The following CDC123 variants were observed in gnomAD, a reference collection of about 807,000 sequenced individuals.
CDC123 encodes cell division cycle 123, also known as translation initiation factor eIF2 assembly protein.
CDC123 carries 37 observed loss-of-function variants against 54.4 expected under a neutral mutation model. The ratio of observed to expected loss-of-function variants is 0.68; its 90% CI spans 0.52 to 0.89. The LOEUF (loss-of-function observed/expected upper bound fraction) is 0.89. Ranked by LOEUF, CDC123 falls within the 40% of genes least tolerant of loss-of-function variation. The pLI is 0.00. For synonymous variants in CDC123, 144 were observed against 136.8 expected (o/e 1.05, Z -0.37); for missense variants, 361 against 412.1 (o/e 0.88, Z 1.07).
At position 12,235,101 on chromosome 10, in the gene CDC123, T is replaced by C. The variant is rs768500894; in HGVS notation, c.543T>C (p.Phe181=). 1 of 1,613,942 alleles carries C rather than the reference T, an allele frequency of 6.2e-7. No homozygotes were observed. Among genetic ancestry groups the C allele is most frequent in the Non-Finnish European group, 8.5e-7 (1 of 1,179,828 alleles). The change falls in exon 8 of 13, where the codon TTT becomes TTC. Residue 181 remains phenylalanine, a synonymous_variant. Transcript: ENST00000281141. ...ELIPGAEFRC[F]VKENKLIGIS... is the part of the protein sequence containing the mutation. ...TTCCTGGGGCTGAGTTTCGATGTTT[T>C]GTCAAGGAAAACAAGCTTATTGGTG...
intron 6 of CDC123, among the ~76,000 whole-genome samples, chr10:12,222,953 G>A (rs892638165): frequency 1.1e-4 from 17 of 151,408 alleles, no homozygotes; most frequent in East Asian, 7.8e-4. Context: ...GTGCAGTGGC[G>A]TGATCGTGGC....
chr10:12,226,505 C>T (rs538177845), intron 6 of CDC123, among the ~76,000 whole-genome samples: 147 of 148,760 alleles, frequency 9.9e-4, no homozygotes, highest in African/African-American at 3.4e-3. Flanking sequence ...TCAGACGGGG[C>T]GGCCGGGCAG....
intron 2 of CDC123, among the ~76,000 whole-genome samples, chr10:12,204,476 A>T (rs7897626): frequency 0.54 from 82,551 of 151,948 alleles, 23,415 homozygotes; most frequent in Middle Eastern, 0.65. Context: ...TGATTTTTTT[A>T]AATTTTTTAA....
rs192640444 is a variant in CDC123, at chr10:12,232,056, A to G, written c.489+1060A>G. On this transcript the variant is annotated intron_variant, in intron 7 of 12. Transcript: ENST00000281141. ...GAGACTGGGTTTCACCATGTTGGCC[A>G]GGCTGGTCTCGAACTCCTGACCTCA... 3.4e-3 allele frequency among the ~76,000 whole-genome samples: 524 copies of G among 152,160 alleles called. 2 individuals carry two copies. The highest frequency in any genetic ancestry group is 0.012 in the African/African-American group (488 of 41,518).
At chr10:12,207,662 C>G (rs768746149) in intron 2 of CDC123, among the ~76,000 whole-genome samples, 2 of 152,098 alleles carry the variant, frequency 1.3e-5, no homozygotes, top group African/African-American at 2.4e-5. Flanking sequence ...TGGGGTTGCT[C>G]AGTTTCTGCC....
chr10:12,239,597 C>T (rs1055254342), intron 10 of CDC123, among the ~76,000 whole-genome samples: 3 of 151,644 alleles, frequency 2.0e-5, no homozygotes, highest in Non-Finnish European at 2.9e-5. Context: ...CACCTAGCTA[C>T]GTGGGAAGCT....
At chr10:12,250,071 G>T in intron 12 of CDC123, 1 of 479,510 alleles carries the variant, frequency 2.1e-6, no homozygotes, top group African/African-American at 2.0e-5. Context: ...TTATATTTTT[G>T]TGTGGATTTC....
At chr10:12,207,092 G>A (rs1189873348) in intron 2 of CDC123, among the ~76,000 whole-genome samples, 1 of 151,826 alleles carries the variant, frequency 6.6e-6, no homozygotes, top group Non-Finnish European at 1.5e-5. Context: ...TCCTGTTTCA[G>A]GATATTAAAA....
chr10:12,218,151 A>G (rs1421847269), intron 6 of CDC123, among the ~76,000 whole-genome samples: 1 of 152,054 alleles, frequency 6.6e-6, no homozygotes, highest in Non-Finnish European at 1.5e-5. Flanking sequence ...TATTTCTAGA[A>G]TTCTATCTAT....
At chr10:12,232,044 A>C (rs1439156140) in intron 7 of CDC123, among the ~76,000 whole-genome samples, 1 of 151,852 alleles carries the variant, frequency 6.6e-6, no homozygotes, top group Non-Finnish European at 1.5e-5. Flanking sequence ...ACTGGGTTTC[A>C]CCATGTTGGC....
intron 11 of CDC123, 140 bp from the exon 12 acceptor site, chr10:12,249,441 C>T: frequency 3.4e-6 from 3 of 881,570 alleles, no homozygotes; most frequent in East Asian, 5.4e-5. Context: ...CTCATTTTAA[C>T]TTAAGCATCT....
intron 4 of CDC123, among the ~76,000 whole-genome samples, chr10:12,212,460 T>C (rs1835615129): frequency 6.6e-6 from 1 of 152,192 alleles, no homozygotes; most frequent in South Asian, 2.1e-4. Context: ...CAAATAGAGT[T>C]TGAGTATTCT....
At chr10:12,212,795 A>AT in intron 4 of CDC123, among the ~76,000 whole-genome samples, 1 of 152,362 alleles carries the variant, frequency 6.6e-6, no homozygotes, top group African/African-American at 2.4e-5. Flanking sequence ...CATAAGGTGT[A>AT]TATGAAACGT....
rs1414139199 is a variant in CDC123, at chr10:12,250,544, T to C, written c.*207T>C. 6.5e-6 allele frequency: 4 copies of C among 614,530 alleles called. No individual in the cohort carries two copies. The highest frequency in any genetic ancestry group is 1.2e-5 in the Non-Finnish European group (4 of 333,414). The allele number at this position is 614,530 out of a possible 1,614,324, so 38.1% of individuals were successfully genotyped here. The stretch of plus-strand genomic sequence containing the variant: ...TAACATAATAAATAGATCTTAAACA[T>C]AGGAAAACCATACTGTTCTGATAAT... On this transcript the variant is annotated 3_prime_UTR_variant, in exon 13 of 13. Coordinates refer to ENST00000281141, the MANE Select transcript of CDC123 (RefSeq NM_006023.3).
At chr10:12,216,437 CTT>C (rs1835665916) in intron 5 of CDC123, among the ~76,000 whole-genome samples, 2 of 152,126 alleles carry the variant, frequency 1.3e-5, no homozygotes, top group Non-Finnish European at 1.5e-5. Flanking sequence ...ATAATTTGTA[CTT>C]AATCTAAGTT....
intron 6 of CDC123, among the ~76,000 whole-genome samples, chr10:12,229,947 C>T (rs1456897536): frequency 6.6e-6 from 1 of 151,660 alleles, no homozygotes; most frequent in Non-Finnish European, 1.5e-5. Context: ...ATGCACACAA[C>T]AAGAACGTGG....
chr10:12,220,617 A>T (rs1010631519), intron 6 of CDC123, among the ~76,000 whole-genome samples: 2 of 152,260 alleles, frequency 1.3e-5, no homozygotes, highest in Non-Finnish European at 2.9e-5. Context: ...TTGCCATCAC[A>T]TAAAAATTCC....
At chr10:12,207,403 T>A (rs1835537291) in intron 2 of CDC123, among the ~76,000 whole-genome samples, 1 of 152,128 alleles carries the variant, frequency 6.6e-6, no homozygotes, top group Non-Finnish European at 1.5e-5. Context: ...TTTAAAAATA[T>A]CTTTCATCTG....
intron 6 of CDC123, among the ~76,000 whole-genome samples, chr10:12,222,458 A>G (rs1223131634): frequency 6.6e-6 from 1 of 152,192 alleles, no homozygotes; most frequent in Non-Finnish European, 1.5e-5. Flanking sequence ...ACTCTACTAA[A>G]AATACAAAAA....
Sources: gnomAD v4.1 joint callset for allele counts (sites outside exome capture counted in the v4.1 genomes callset) on GRCh38, gnomAD v4.1.1 for gene constraint, MANE v1.5 for transcripts, NCBI Gene and HGNC (gene_info 2026-07-23, HGNC 2026-07-21) for gene names.